DOCK3: variants seen among roughly 807,000 people sequenced by gnomAD.
The protein encoded by DOCK3 is dedicator of cytokinesis protein 3.
A neutral mutation model predicts 265.6 loss-of-function variants in DOCK3; 60 were observed. The ratio of observed to expected loss-of-function variants is 0.23; its 90% CI spans 0.18 to 0.28. The LOEUF (loss-of-function observed/expected upper bound fraction) is 0.28, where lower values mean the gene tolerates loss of function less well. DOCK3 is among the 10% of genes least tolerant of loss of function. The probability of loss-of-function intolerance (pLI) is 1.00; values close to 1 mark genes in which losing one functional copy is unlikely to be tolerated. For synonymous variants in DOCK3, 881 were observed against 938.0 expected, an observed-to-expected ratio of 0.94 and a Z score of 1.11; for missense variants, 1,981 against 2,594.3, an observed-to-expected ratio of 0.76 and a Z score of 5.14.
intron 1 of DOCK3, among the ~76,000 whole-genome samples, chr3:50,718,309 T>G (rs999254003): frequency 6.6e-6 from 1 of 152,236 alleles, no homozygotes; most frequent in Non-Finnish European, 1.5e-5. Context: ...CCTGAGTTTT[T>G]GGGTGTTCAG....
chr3:50,836,286 G>A (rs564942257), intron 2 of DOCK3, among the ~76,000 whole-genome samples: 27 of 152,314 alleles, frequency 1.8e-4, no homozygotes, highest in Middle Eastern at 3.4e-3. Context: ...TCTCCATGAG[G>A]GCTCTGCCCC....
rs148214777 is a variant in DOCK3 at position 51,146,477 on chromosome 3, G to A, written c.747-72G>A. 499 of 1,456,170 alleles carry A rather than the reference G, an allele frequency of 3.4e-4. 1 individual carries two copies. The highest frequency in any genetic ancestry group is 8.6e-4 in the Middle Eastern group (5 of 5,794). 90.2% of individuals were successfully genotyped at this position (1,456,170 alleles called of 1,614,324 possible). A position where few individuals can be genotyped will look rare whatever the true frequency, so the allele number is the denominator to read the frequency against. ...ATGTAAATATGTTTAGTGTTTTTCC[G>A]TATCTGCCCTTTTTCTTTGTTCTGG... On this transcript the variant is annotated intron_variant, in intron 9 of 52. Transcript: ENST00000266037.
At chr3:50,984,392 G>A (rs1200135673) in intron 5 of DOCK3, among the ~76,000 whole-genome samples, 5 of 152,204 alleles carry the variant, frequency 3.3e-5, no homozygotes, top group Non-Finnish European at 7.3e-5. Flanking sequence ...ACTCTCCTAA[G>A]CCATATCTTG....
At chr3:51,360,986 C>CT (rs1302407277) in intron 47 of DOCK3, among the ~76,000 whole-genome samples, 1 of 152,156 alleles carries the variant, frequency 6.6e-6, no homozygotes, top group Non-Finnish European at 1.5e-5. Context: ...GGTCAGCACT[C>CT]TGAGTAGAGC....
intron 5 of DOCK3, among the ~76,000 whole-genome samples, chr3:51,031,745 A>G (rs1178355831): frequency 6.6e-6 from 1 of 152,180 alleles, no homozygotes; most frequent in Non-Finnish European, 1.5e-5. Flanking sequence ...GTTAAAAGAA[A>G]TACCTCCTTT....
chr3:51,113,180 AAT>A (rs138788415), intron 9 of DOCK3, among the ~76,000 whole-genome samples: 5 of 150,434 alleles, frequency 3.3e-5, no homozygotes, highest in Admixed American at 6.6e-5. Context: ...ATAGAGGATA[AAT>A]ATATATATAT....
intron 1 of DOCK3, among the ~76,000 whole-genome samples, chr3:50,698,126 G>A (rs1576139984): frequency 1.3e-5 from 2 of 151,940 alleles, no homozygotes; most frequent in Admixed American, 1.3e-4. Flanking sequence ...TCTAATTCCA[G>A]AACAGTTTCA....
At chr3:51,115,077 CTATT>C (rs1176845196) in intron 9 of DOCK3, among the ~76,000 whole-genome samples, 2 of 151,452 alleles carry the variant, frequency 1.3e-5, no homozygotes, top group Non-Finnish European at 3.0e-5. Context: ...GGTTGGTTAT[CTATT>C]GTGAATAGTG....
intron 27 of DOCK3, among the ~76,000 whole-genome samples, chr3:51,289,194 G>A (rs1343732067): frequency 6.6e-6 from 1 of 152,136 alleles, no homozygotes; most frequent in Non-Finnish European, 1.5e-5. Flanking sequence ...TGCAGGAACA[G>A]CAAACCAAAT....
intron 5 of DOCK3, among the ~76,000 whole-genome samples, chr3:51,003,686 A>G (rs1295371173): frequency 1.3e-5 from 2 of 152,216 alleles, no homozygotes; most frequent in Non-Finnish European, 2.9e-5. Flanking sequence ...TCTTGATACA[A>G]TAAGCTGGTA....
intron 49 of DOCK3, among the ~76,000 whole-genome samples, chr3:51,366,789 T>C (rs559804978): frequency 6.6e-6 from 1 of 152,320 alleles, no homozygotes; most frequent in South Asian, 2.1e-4. Context: ...TTCCATGTAG[T>C]TGAGTGGTTT....
At chr3:51,325,826 AC>A in intron 32 of DOCK3, among the ~76,000 whole-genome samples, 1 of 152,056 alleles carries the variant, frequency 6.6e-6, no homozygotes, top group African/African-American at 2.4e-5. Flanking sequence ...AAAACCAAAC[AC>A]TGCATGTTCT....
chr3:51,075,286 C>G, intron 6 of DOCK3, 70 bp from the exon 7 acceptor site: 1 of 1,345,162 alleles, frequency 7.4e-7, no homozygotes. Flanking sequence ...GGTATGGGTT[C>G]CCAGGCACAT....
At chr3:51,132,987 G>A (rs1436511972) in intron 9 of DOCK3, among the ~76,000 whole-genome samples, 2 of 151,980 alleles carry the variant, frequency 1.3e-5, no homozygotes, top group African/African-American at 2.4e-5. Context: ...AACACTGATG[G>A]CCTCCCCTGA....
intron 5 of DOCK3, among the ~76,000 whole-genome samples, chr3:50,970,204 T>G (rs2077158006): frequency 6.6e-6 from 1 of 152,228 alleles, no homozygotes; most frequent in Non-Finnish European, 1.5e-5. Flanking sequence ...TTATATGCTT[T>G]TATTTTGCTG....
intron 5 of DOCK3, among the ~76,000 whole-genome samples, chr3:50,986,058 T>C (rs1401798014): frequency 6.6e-6 from 1 of 152,144 alleles, no homozygotes; most frequent in Non-Finnish European, 1.5e-5. Context: ...ATTTGTACTT[T>C]GAACCTTTGA....
At chr3:51,146,385 C>G (rs577875621) in intron 9 of DOCK3, among the ~76,000 whole-genome samples, 164 bp from the exon 10 acceptor site, 3 of 152,126 alleles carry the variant, frequency 2.0e-5, no homozygotes, top group Non-Finnish European at 4.4e-5. Context: ...TGTTACTTGG[C>G]AGGAAAAAAG....
chr3:50,925,616 G>A (rs564203079), intron 4 of DOCK3, among the ~76,000 whole-genome samples: 3 of 152,204 alleles, frequency 2.0e-5, no homozygotes, highest in African/African-American at 7.2e-5. Flanking sequence ...CACACAGACA[G>A]GGTAGTCTTC....
intron 5 of DOCK3, among the ~76,000 whole-genome samples, chr3:51,012,070 C>T (rs2078974996): frequency 6.6e-6 from 1 of 152,206 alleles, no homozygotes; most frequent in Admixed American, 6.5e-5. Context: ...ACTCGGGGGT[C>T]AGGGACCCAC....
Sources: gnomAD v4.1 joint callset for allele counts (sites outside exome capture counted in the v4.1 genomes callset) on GRCh38, gnomAD v4.1.1 for gene constraint, MANE v1.5 for transcripts, NCBI Gene and HGNC (gene_info 2026-07-23, HGNC 2026-07-21) for gene names.